COL9A1: variants seen among roughly 807,000 people sequenced by gnomAD.
COL9A1 encodes the protein collagen type IX alpha 1 chain, also known as collagen alpha-1(IX) chain.
A neutral mutation model predicts 142.6 loss-of-function variants in COL9A1; 104 were observed. The ratio of observed to expected loss-of-function variants is 0.73; its 90% CI spans 0.62 to 0.86. The LOEUF is 0.86. Among genes scored for constraint, COL9A1 ranks in the 40% least tolerant of loss-of-function variants. COL9A1 has a pLI of 0.00. For missense variants in COL9A1, 1,210 were observed against 1,176.6 expected (o/e 1.03, Z -0.42); for synonymous variants, 466 against 396.0 (o/e 1.18, Z -2.10).
chr6:70,229,143 A>G (rs1193114352), intron 36 of COL9A1, among the ~76,000 whole-genome samples: 2 of 152,152 alleles, frequency 1.3e-5, no homozygotes, highest in African/African-American at 4.8e-5. Context: ...TCTTTTGGTT[A>G]TCAGTCAGAG....
chr6:70,242,530 T>C, intron 29 of COL9A1, 132 bp downstream of exon 29: 2 of 838,998 alleles, frequency 2.4e-6, no homozygotes, highest in Non-Finnish European at 4.0e-6. Flanking sequence ...CCCCTTTACA[T>C]TGTTCTCATA....
intron 4 of COL9A1, among the ~76,000 whole-genome samples, chr6:70,296,635 T>A (rs1034755447): frequency 1.3e-5 from 2 of 152,176 alleles, no homozygotes; most frequent in African/African-American, 4.8e-5. Flanking sequence ...TAAAATGCAC[T>A]GCCTATTGTA....
rs1318877136 is a variant in COL9A1 at position 70,255,201 on chromosome 6, C to G, written c.1560G>C (p.Gly520=). ...PGEAGPKGDR[G]AEGARGIPGL... ...CAGGAATTCCTCTAGCACCTTCAGCCCCCTGCAGGGAGGAAGAGAAAGAAT... is the reference window on the plus strand; with the variant it reads ...CAGGAATTCCTCTAGCACCTTCAGCGCCCTGCAGGGAGGAAGAGAAAGAAT... Residue 520 remains glycine, a splice_region_variant and synonymous_variant, in exon 23 of 38, where the codon GGG becomes GGC. Transcript: ENST00000357250. 6.2e-7 allele frequency: 1 copy of G among 1,614,098 alleles called. No individual in the cohort carries two copies. Among genetic ancestry groups the G allele is most frequent in the South Asian group, 1.1e-5 (1 of 91,078 alleles).
chr6:70,271,039 T>C (rs144533364), intron 14 of COL9A1, among the ~76,000 whole-genome samples: 1 of 152,358 alleles, frequency 6.6e-6, no homozygotes, highest in East Asian at 1.9e-4. Context: ...CATTTCATAT[T>C]CATTCACTTG....
Position 70,280,856 on chromosome 6 carries a change from C to T in COL9A1, c.931G>A (p.Gly311Arg). The T allele has an allele frequency of 6.2e-7, 1 of 1,613,444 alleles. No individual in the cohort carries two copies. Among genetic ancestry groups the T allele is most frequent in the Non-Finnish European group, 8.5e-7 (1 of 1,179,868 alleles). The part of the protein sequence containing the change: ...PGPPGPAGEP[G>R]KPGAPGKPGT... ...GGCTTGCCTGGAGCTCCTGGCTTTC[C>T]CGGTTCACCTGCAGGACCCTGAGCA... Residue 311 changes from glycine (G) to arginine (R), a missense_variant, in exon 10 of 38, where the codon GGA becomes AGA. Gly to Arg is a moderately radical substitution (Grantham distance 125). Coordinates refer to ENST00000357250, the MANE Select transcript of COL9A1 (RefSeq NM_001851.6).
Position 70,234,823 on chromosome 6 carries a change from T to A in COL9A1, c.2230A>T (p.Thr744Ser). Residue 744 changes from threonine (T) to serine (S), a missense_variant, in exon 34 of 38, where the codon ACC (threonine) becomes TCC (serine). Thr to Ser is a moderately conservative substitution (Grantham distance 58). Coordinates refer to ENST00000357250, the MANE Select transcript of COL9A1 (RefSeq NM_001851.6). ...GGGCCCTGGACACCAGGCAGGCCGG[T>A]GGCACCCTGTTCTCCCTGCACACCC... is the stretch of plus-strand genomic sequence containing the variant. ...PRGVQGEQGA[T>S]GLPGVQGPPG... is the part of the protein sequence containing the mutation. 6.2e-7 allele frequency: 1 copy of A among 1,614,048 alleles called. No individual in the cohort carries two copies. Among genetic ancestry groups the A allele is most frequent in the Non-Finnish European group, 8.5e-7 (1 of 1,179,960 alleles).
At chr6:70,257,190 A>G (rs1287714199) in intron 20 of COL9A1, among the ~76,000 whole-genome samples, 2 of 151,096 alleles carry the variant, frequency 1.3e-5, no homozygotes, top group Admixed American at 6.6e-5. Flanking sequence ...CCTCCTGAGT[A>G]GCTGGGACTA....
intron 4 of COL9A1, among the ~76,000 whole-genome samples, chr6:70,297,305 TTCTC>T (rs1562332989): frequency 2.0e-5 from 3 of 152,256 alleles, no homozygotes; most frequent in South Asian, 2.1e-4. Context: ...AGCTGTCTCT[TTCTC>T]TCCGTATATA....
At position 70,254,594 on chromosome 6, in the gene COL9A1, G is replaced by A. The variant is rs620023; in HGVS notation, c.1666-65C>T. On this transcript the variant is annotated intron_variant, in intron 24 of 37. Transcript: ENST00000357250. ...AGCTGCTGTATTTCTTTTAAGAAAC[G>A]GAGGAGCACAGACGTTTTAAGTAAA... 8.0e-3 allele frequency: 11,688 copies of A among 1,465,106 alleles called. 715 individuals carry two copies. In the African/African-American group the frequency reaches 0.14, roughly 17 times the overall value. 90.8% of individuals were successfully genotyped at this position (1,465,106 alleles called of 1,614,324 possible). A position where few individuals can be genotyped will look rare whatever the true frequency, so the allele number is the denominator to read the frequency against.
At chr6:70,262,023 G>T (rs1583284704) in intron 19 of COL9A1, among the ~76,000 whole-genome samples, 1 of 152,090 alleles carries the variant, frequency 6.6e-6, no homozygotes, top group African/African-American at 2.4e-5. Context: ...CTTGAGCCAC[G>T]CAGTACCCAA....
intron 4 of COL9A1, among the ~76,000 whole-genome samples, chr6:70,295,658 A>T (rs1475784066): frequency 6.6e-6 from 1 of 152,174 alleles, no homozygotes; most frequent in African/African-American, 2.4e-5. Flanking sequence ...ATGGCAGAAT[A>T]AAACCAGTAG....
rs143217938 is a variant in COL9A1 at position 70,225,986 on chromosome 6, G to A, written c.2527C>T (p.Arg843Cys). 3.0e-5 allele frequency: 49 copies of A among 1,613,636 alleles called. No homozygotes were observed. Among genetic ancestry groups the A allele is most frequent in the South Asian group, 1.9e-4 (17 of 91,076 alleles). The part of the protein sequence containing the change: ...PKGDLGEKGE[R>C]GPPGRGPNGL... Reference sequence around the variant, plus strand: ...TTGGGACCTCTTCCTGGAGGGCCACGCTCCCCCTTTTCTCCCAAGTCACCT... The same window carrying A: ...TTGGGACCTCTTCCTGGAGGGCCACACTCCCCCTTTTCTCCCAAGTCACCT... The change falls in exon 37 of 38, where the codon CGT (arginine) becomes TGT (cysteine). Residue 843 changes from arginine (R) to cysteine (C), a missense_variant. Physicochemically the swap from Arg to Cys is radical, Grantham distance 180. Transcript: ENST00000357250.
Position 70,280,807 on chromosome 6 carries a change from C to T in COL9A1, c.975+5G>A. 6 of 1,612,158 alleles carry T rather than the reference C, an allele frequency of 3.7e-6. No homozygotes were observed. The highest frequency in any genetic ancestry group is 1.1e-5 in the South Asian group (1 of 90,694). ...TGGGCGCCCTCCCAGCACTCGCCTA[C>T]TCACATCAGCGCCAGGTGTGCCAGG... On this transcript the variant is annotated splice_donor_5th_base_variant and intron_variant, in intron 10 of 37. Transcript: ENST00000357250.
At chr6:70,226,518 G>A (rs12192538) in intron 36 of COL9A1, among the ~76,000 whole-genome samples, 33,363 of 151,646 alleles carry the variant, frequency 0.22, 3,956 homozygotes, top group Non-Finnish European at 0.27. Flanking sequence ...TACAAACAGT[G>A]GCATTCAGTC....
chr6:70,272,617 T>C (rs1772481456), intron 12 of COL9A1, among the ~76,000 whole-genome samples: 1 of 152,164 alleles, frequency 6.6e-6, no homozygotes, highest in Non-Finnish European at 1.5e-5. Context: ...ATCCAGTAGA[T>C]ATTGAAAATA....
intron 10 of COL9A1, among the ~76,000 whole-genome samples, chr6:70,275,424 TAAGTATATATGTTCATGTA>T (rs3840412): frequency 0.073 from 11,072 of 152,146 alleles, 912 homozygotes; most frequent in African/African-American, 0.19. Context: ...TAGCTGTGAT[TAAGTATATATGTTCATGTA>T]TGCCACTCGG....
In COL9A1 at chr6:70,280,819, C is replaced by A. The variant is rs1005971460; in HGVS notation, c.968G>T (p.Gly323Val). The change falls in exon 10 of 38, where the codon GGC becomes GTC. Residue 323 changes from glycine to valine, a missense_variant. Coordinates refer to ENST00000357250, the MANE Select transcript of COL9A1 (RefSeq NM_001851.6). Reference sequence around the variant, plus strand: ...CAGCACTCGCCTACTCACATCAGCGCCAGGTGTGCCAGGCTTGCCTGGAGC... The same window carrying A: ...CAGCACTCGCCTACTCACATCAGCGACAGGTGTGCCAGGCTTGCCTGGAGC... ...PGAPGKPGTP[G>V]ADGLTGPDGS... The A allele has an allele frequency of 1.9e-6, 3 of 1,612,564 alleles. No homozygotes were observed. In the African/African-American group the frequency reaches 4.0e-5, roughly 22 times the overall value.
chr6:70,234,129 T>C (rs748233193), intron 35 of COL9A1, among the ~76,000 whole-genome samples: 9 of 152,218 alleles, frequency 5.9e-5, no homozygotes, highest in Non-Finnish European at 1.3e-4. Context: ...TGTCATTTAC[T>C]TCTCACAAAA....
chr6:70,270,314 T>C lies in COL9A1; in HGVS notation c.1197A>G (p.Arg399=), dbSNP rs1157250801. The change falls in exon 15 of 38, where the codon AGA becomes AGG. Residue 399 remains arginine, a splice_region_variant and synonymous_variant. Transcript: ENST00000357250. The stretch of plus-strand genomic sequence containing the variant: ...GAAATTCAAGCTGCAAATAACTTAC[T>C]CTGGGTCCTGGGGGGCCAGGGGGGC... ...PPGPPGPPGP[R]GTIGFHDGDP... 4 of 1,613,688 alleles carry C rather than the reference T, an allele frequency of 2.5e-6. No homozygotes were observed. In the East Asian group the frequency reaches 8.9e-5, roughly 36 times the overall value.
Sources: allele counts gnomAD v4.1 joint callset (sites outside exome capture counted in the v4.1 genomes callset), GRCh38; gene constraint gnomAD v4.1.1; transcripts MANE v1.5; gene names NCBI Gene and HGNC (gene_info 2026-07-23, HGNC 2026-07-21).